The following GPSM2 variants were observed in gnomAD, a reference collection of about 807,000 sequenced individuals.
GPSM2 encodes G protein-signaling modulator 2.
In GPSM2, 58 loss-of-function variants were observed where a neutral mutation model predicts 78.4. The ratio of observed to expected loss-of-function variants is 0.74; its 90% CI spans 0.60 to 0.92. The LOEUF (loss-of-function observed/expected upper bound fraction) is 0.92, where lower values mean the gene tolerates loss of function less well. Among genes scored for constraint, GPSM2 ranks in the 40% least tolerant of loss-of-function variants. GPSM2 has a pLI of 0.00. For missense variants in GPSM2, 700 were observed against 815.5 expected, an observed-to-expected ratio of 0.86 and a Z score of 1.73; for synonymous variants, 224 against 280.2, an observed-to-expected ratio of 0.80 and a Z score of 2.00.
chr1:108,915,154 CGAGG>C (rs1650084583), intron 11 of GPSM2, among the ~76,000 whole-genome samples: 3 of 151,792 alleles, frequency 2.0e-5, no homozygotes, highest in Admixed American at 6.6e-5. Flanking sequence ...GGGTGGATCA[CGAGG>C]TCAGGAGATC....
intron 2 of GPSM2, 57 bp from the exon 3 acceptor site, chr1:108,896,807 A>G (rs1328641369): frequency 7.7e-7 from 1 of 1,304,676 alleles, no homozygotes; most frequent in East Asian, 2.3e-5. Context: ...GAAGTTAAAA[A>G]TACTGTGATG....
intron 2 of GPSM2, among the ~76,000 whole-genome samples, chr1:108,889,780 A>G (rs1489477579): frequency 6.6e-6 from 1 of 152,174 alleles, no homozygotes; most frequent in African/African-American, 2.4e-5. Context: ...CTCAAAACAC[A>G]GAGCTAACCG....
chr1:108,898,163 T>C, intron 5 of GPSM2, 62 bp downstream of exon 5: 1 of 1,502,778 alleles, frequency 6.7e-7, no homozygotes, highest in Non-Finnish European at 9.3e-7. Flanking sequence ...CTGCTGTACG[T>C]TCTTTATTCA....
At chr1:108,928,588 T>G (rs1651349940) in intron 14 of GPSM2, among the ~76,000 whole-genome samples, 1 of 152,256 alleles carries the variant, frequency 6.6e-6, no homozygotes, top group Non-Finnish European at 1.5e-5. Context: ...GCTATCACAC[T>G]TCTATTCTTA....
intron 1 of GPSM2, among the ~76,000 whole-genome samples, chr1:108,877,993 T>C (rs563476389): frequency 6.6e-6 from 1 of 152,310 alleles, no homozygotes; most frequent in East Asian, 1.9e-4. Context: ...AGTAGGTTCT[T>C]GGCTTTCCTT....
At position 108,898,757 on chromosome 1, in the gene GPSM2, C is replaced by T. The variant is rs768387626; in HGVS notation, c.673C>T (p.His225Tyr). The T allele has an allele frequency of 1.9e-6, 3 of 1,613,990 alleles. No individual in the cohort carries two copies. Among genetic ancestry groups the T allele is most frequent in the Non-Finnish European group, 1.7e-6 (2 of 1,179,906 alleles). Residue 225 changes from histidine to tyrosine, a missense_variant, in exon 6 of 15, where the codon CAT becomes TAT. His to Tyr is a moderately conservative substitution (Grantham distance 83). Coordinates refer to ENST00000264126, the MANE Select transcript of GPSM2 (RefSeq NM_013296.5). Reference protein sequence around the residue: ...LGNFRDAVIAHEQRLLIAKEF... With the variant: ...LGNFRDAVIAYEQRLLIAKEF... ...CAACTTCAGGGATGCAGTTATAGCTCATGAGCAGGTACAGTGGAAAGCCTT... is the reference window on the plus strand; with the variant it reads ...CAACTTCAGGGATGCAGTTATAGCTTATGAGCAGGTACAGTGGAAAGCCTT...
chr1:108,909,037 G>A (rs938405022), intron 10 of GPSM2, among the ~76,000 whole-genome samples: 3 of 152,054 alleles, frequency 2.0e-5, no homozygotes, highest in African/African-American at 7.3e-5. Flanking sequence ...TACTCGGGAA[G>A]CTGAGGTGGG....
intron 13 of GPSM2, 70 bp downstream of exon 13, chr1:108,922,646 A>G: frequency 8.3e-7 from 1 of 1,210,576 alleles, no homozygotes; most frequent in South Asian, 1.2e-5. Flanking sequence ...ATTTCTGAGA[A>G]TTGAATTCCC....
At chr1:108,927,866 G>A (rs1215003369) in intron 14 of GPSM2, among the ~76,000 whole-genome samples, 1 of 152,130 alleles carries the variant, frequency 6.6e-6, no homozygotes, top group Non-Finnish European at 1.5e-5. Flanking sequence ...AGGAGGCTGA[G>A]GTGGGAGGAT....
Position 108,898,962 on chromosome 1 carries a change from T to G in GPSM2, c.765T>G (p.Leu255=), listed in dbSNP as rs778913696. The G allele has an allele frequency of 5.5e-5, 88 of 1,606,970 alleles. No individual in the cohort carries two copies. The highest frequency in any genetic ancestry group is 7.3e-5 in the Non-Finnish European group (86 of 1,173,628). ...ACCTTGGAAATGCATATATATTTCT[T>G]GGTGAATTTGAAACTGCCTCGGAAT... The part of the protein sequence containing the change: ...YSNLGNAYIF[L]GEFETASEYY... Residue 255 remains leucine (L), a synonymous_variant, in exon 7 of 15, where the codon CTT becomes CTG. Transcript: ENST00000264126.
chr1:108,908,830 G>A (rs1316975975), intron 10 of GPSM2, among the ~76,000 whole-genome samples: 2 of 151,392 alleles, frequency 1.3e-5, no homozygotes, highest in African/African-American at 2.4e-5. Flanking sequence ...CAGGGAGACC[G>A]CCATCTCTCC....
intron 13 of GPSM2, among the ~76,000 whole-genome samples, chr1:108,922,830 G>T (rs999580765): frequency 6.6e-6 from 1 of 151,958 alleles, no homozygotes; most frequent in Non-Finnish European, 1.5e-5. Flanking sequence ...AAAATCTGTT[G>T]TGGAAAATGT....
chr1:108,883,698 G>A (rs1340779003), intron 1 of GPSM2, among the ~76,000 whole-genome samples: 2 of 151,926 alleles, frequency 1.3e-5, no homozygotes, highest in African/African-American at 2.4e-5. Context: ...CTAATGTATC[G>A]GTATGGATTC....
intron 2 of GPSM2, among the ~76,000 whole-genome samples, chr1:108,885,859 A>G (rs1418904410): frequency 6.6e-6 from 1 of 152,212 alleles, no homozygotes; most frequent in Admixed American, 6.5e-5. Context: ...TGTAAATGAA[A>G]TATGTTTGAA....
intron 2 of GPSM2, among the ~76,000 whole-genome samples, chr1:108,896,504 C>T (rs773499007): frequency 6.6e-6 from 1 of 152,130 alleles, no homozygotes; most frequent in African/African-American, 2.4e-5. Context: ...CCTACATACT[C>T]ATCTTCTCAG....
At chr1:108,924,445 G>GTA (rs1650977335) in intron 14 of GPSM2, 7 of 577,126 alleles carry the variant, frequency 1.2e-5, no homozygotes, top group East Asian at 3.1e-5. Context: ...GTGTGTGTGT[G>GTA]TGTATATATA....
chr1:108,884,433 A>G (rs1570873949), intron 1 of GPSM2, among the ~76,000 whole-genome samples: 1 of 152,206 alleles, frequency 6.6e-6, no homozygotes, highest in East Asian at 1.9e-4. Flanking sequence ...TACATTTGGT[A>G]TACAATGGAA....
chr1:108,893,139 G>A (rs1254963928), intron 2 of GPSM2, among the ~76,000 whole-genome samples: 2 of 152,162 alleles, frequency 1.3e-5, no homozygotes, highest in East Asian at 1.9e-4. Flanking sequence ...TTGGATCAAT[G>A]GTTCCAGTAA....
At chr1:108,896,024 G>A (rs561556900) in intron 2 of GPSM2, among the ~76,000 whole-genome samples, 1 of 152,076 alleles carries the variant, frequency 6.6e-6, no homozygotes, top group Non-Finnish European at 1.5e-5. Flanking sequence ...TAAACGAATA[G>A]GTAGTTCCTA....
Sources: gnomAD v4.1 joint callset for allele counts (sites outside exome capture counted in the v4.1 genomes callset) on GRCh38, gnomAD v4.1.1 for gene constraint, MANE v1.5 for transcripts, NCBI Gene and HGNC (gene_info 2026-07-23, HGNC 2026-07-21) for gene names.